The following TMEM25 variants were observed in gnomAD, a reference collection of about 807,000 sequenced individuals.
The protein encoded by TMEM25 is transmembrane protein 25, also known as 0610039J01Rik.
Under a neutral mutation model 37.0 loss-of-function variants are expected in TMEM25, and 36 were observed. The observed-to-expected ratio is 0.97, with a 90% confidence interval of 0.75 to 1.28. The LOEUF is 1.28. TMEM25 is among the 50% of genes most tolerant of loss of function. TMEM25 has a pLI of 0.00. For missense variants in TMEM25, 444 were observed against 477.9 expected, an observed-to-expected ratio of 0.93 and a Z score of 0.66; for synonymous variants, 197 against 203.7, an observed-to-expected ratio of 0.97 and a Z score of 0.28.
intron 8 of TMEM25, chr11:118,545,881 CA>C: frequency 6.2e-7 from 1 of 1,607,914 alleles, no homozygotes; most frequent in Non-Finnish European, 8.5e-7. Flanking sequence ...GGACCAAAGT[CA>C]AAAGGATGGT....
chr11:118,531,649 A>T (rs1040470886), intron 1 of TMEM25, 126 bp from the exon 2 acceptor site: 33 of 755,592 alleles, frequency 4.4e-5, no homozygotes, highest in Non-Finnish European at 6.3e-5. Context: ...TGCCTTCGCC[A>T]CTGGGGGCTG....
Position 118,534,484 on chromosome 11 carries a change from C to G in TMEM25, c.1028-23C>G, listed in dbSNP as rs782573665. On this transcript the variant is annotated intron_variant, in intron 8 of 8. Transcript: ENST00000313236. The surrounding 1 kb of genome is among the most constrained non-coding windows in gnomAD (Gnocchi z 4.6). ...CAAGGAACAAGCGTTACTGAGTCCC[C>G]GCGGGCTTCTTTGATCCCGCAGGTT... 6.2e-7 allele frequency: 1 copy of G among 1,613,938 alleles called. No individual in the cohort carries two copies. The highest frequency in any genetic ancestry group is 1.3e-5 in the African/African-American group (1 of 75,046).
chr11:118,546,149 A>G, exon 9 of TMEM25: 1 of 718,596 alleles, frequency 1.4e-6, no homozygotes, highest in Non-Finnish European at 2.6e-6. Context: ...GACGCATAAC[A>G]GAGGGAAGAC....
At chr11:118,533,827 G>A (rs370883247) in intron 5 of TMEM25, 30 bp from the exon 6 acceptor site, 3 of 1,613,800 alleles carry the variant, frequency 1.9e-6, no homozygotes, top group African/African-American at 1.3e-5. Flanking sequence ...GGCACACTGA[G>A]AATTAGGGAC....
At chr11:118,543,869 C>T (rs552354084) in intron 8 of TMEM25, among the ~76,000 whole-genome samples, 3 of 151,258 alleles carry the variant, frequency 2.0e-5, no homozygotes, top group African/African-American at 7.3e-5. Flanking sequence ...TGCAGTGCCA[C>T]GATCTTAGCT....
intron 1 of TMEM25, 92 bp downstream of exon 1, chr11:118,531,326 A>C (rs1555057974): frequency 3.0e-6 from 1 of 333,116 alleles, no homozygotes; most frequent in African/African-American, 2.2e-5. Flanking sequence ...CACCGGAGCC[A>C]CCAACATCAG....
chr11:118,545,904 C>T, intron 8 of TMEM25: 2 of 1,474,002 alleles, frequency 1.4e-6, no homozygotes, highest in Non-Finnish European at 1.9e-6. Context: ...TCAGTGGTCC[C>T]AGAACCACTC....
At chr11:118,542,902 G>A (rs1343911110) in intron 8 of TMEM25, among the ~76,000 whole-genome samples, 1 of 151,362 alleles carries the variant, frequency 6.6e-6, no homozygotes, top group Non-Finnish European at 1.5e-5. Context: ...GACAGAGCGA[G>A]ACTCTGTCTC....
downstream of TMEM25, among the ~76,000 whole-genome samples, chr11:118,536,661 A>C (rs944544356): frequency 1.3e-5 from 2 of 152,120 alleles, no homozygotes; most frequent in African/African-American, 4.8e-5. Flanking sequence ...TTTCTATTTC[A>C]GGGGCTCTTG....
downstream of TMEM25, among the ~76,000 whole-genome samples, chr11:118,539,263 G>C (rs1193253392): frequency 1.3e-5 from 2 of 150,810 alleles, no homozygotes; most frequent in Non-Finnish European, 3.0e-5. Flanking sequence ...CACTTCCCGG[G>C]TTCAAGCGAT....
intron 2 of TMEM25, 91 bp from the exon 3 acceptor site, chr11:118,532,059 C>G (rs1951303218): frequency 7.0e-7 from 1 of 1,425,338 alleles, no homozygotes; most frequent in South Asian, 1.4e-5. Context: ...TTTCCTTTGG[C>G]CTGCTGCTCT....
Position 118,534,408 on chromosome 11 carries a change from T to A in TMEM25, c.1027+53T>A. The A allele has an allele frequency of 1.2e-6, 2 of 1,610,938 alleles. No individual in the cohort carries two copies. The highest frequency in any genetic ancestry group is 1.7e-6 in the Non-Finnish European group (2 of 1,178,534). ...CTCCTCTGCCCCCCAGCCCTGTGCT[T>A]ATGCCAGAGGCCTCCAAGTGCCCAG... is the stretch of plus-strand genomic sequence containing the variant. On this transcript the variant is annotated intron_variant, in intron 8 of 8. Coordinates refer to ENST00000313236, the MANE Select transcript of TMEM25 (RefSeq NM_032780.4). This position sits in a 1 kb window ranked among gnomAD's most constrained non-coding sequence, Gnocchi z 4.6.
chr11:118,537,974 C>T (rs570546958), downstream of TMEM25, among the ~76,000 whole-genome samples: 8 of 151,966 alleles, frequency 5.3e-5, no homozygotes, highest in African/African-American at 1.9e-4. Context: ...TCACTTCAGC[C>T]CAGGAGGCAG....
At position 118,532,150 on chromosome 11, in the gene TMEM25, G is replaced by A; in HGVS notation, c.71G>A (p.Gly24Asp). The A allele has an allele frequency of 6.4e-7, 1 of 1,559,002 alleles. No individual in the cohort carries two copies. The change falls in exon 3 of 9, where the codon GGT becomes GAT. Residue 24 changes from glycine to aspartate, a missense_variant and splice_region_variant. Transcript: ENST00000313236. ...LLLLPALLSSGWGELEPQIDG... is the reference protein window; with the variant it reads ...LLLLPALLSSDWGELEPQIDG... ...CCAGAGGCCTCCTGCTGTGTTCCAGGTTGGGGGGAGTTGGAGCCACAAATA... is the reference window on the plus strand; with the variant it reads ...CCAGAGGCCTCCTGCTGTGTTCCAGATTGGGGGGAGTTGGAGCCACAAATA...
downstream of TMEM25, among the ~76,000 whole-genome samples, chr11:118,536,346 A>T (rs1951510274): frequency 6.6e-6 from 1 of 151,834 alleles, no homozygotes; most frequent in East Asian, 1.9e-4. Context: ...GGCATGCACC[A>T]CCATGCCCAG....
At chr11:118,538,174 ATTTG>A (rs1331199207), downstream of TMEM25, among the ~76,000 whole-genome samples, 40 of 151,800 alleles carry the variant, frequency 2.6e-4, no homozygotes, top group African/African-American at 8.7e-4. Context: ...AATTATTATT[ATTTG>A]TTTATTTTTT....
chr11:118,533,865 CG>C lies in TMEM25; in HGVS notation c.816del (p.His273ThrfsTer4), dbSNP rs1297957653. ...RKEKKTKGPS[R>X]HPSLISSDSN... ...GGTTTCTTTCTCCACAGGCCCCTCC[CG>C]GCACCCATCTCTGATATCAAGGTAA... On this transcript the variant is annotated frameshift_variant, in exon 6 of 9. Coordinates refer to ENST00000313236, the MANE Select transcript of TMEM25 (RefSeq NM_032780.4). LOFTEE classifies it high-confidence loss of function. 2.5e-6 allele frequency: 4 copies of C among 1,613,922 alleles called. No individual in the cohort carries two copies. The highest frequency in any genetic ancestry group is 3.4e-6 in the Non-Finnish European group (4 of 1,180,010).
intron 5 of TMEM25, 129 bp downstream of exon 5, chr11:118,533,680 A>G: frequency 6.4e-7 from 1 of 1,574,682 alleles, no homozygotes; most frequent in Non-Finnish European, 8.7e-7. Context: ...GGCCATGGGT[A>G]CGGTGACATG....
intron 3 of TMEM25, 41 bp from the exon 4 acceptor site, chr11:118,532,876 G>C: frequency 6.3e-7 from 1 of 1,578,170 alleles, no homozygotes; most frequent in South Asian, 1.2e-5. Flanking sequence ...AGAAGTATGA[G>C]GGGCTGTGGT....
Sources: gnomAD v4.1 joint callset for allele counts (sites outside exome capture counted in the v4.1 genomes callset) on GRCh38, gnomAD v4.1.1 for gene constraint, Gnocchi (gnomAD v3.1) non-coding constraint, MANE v1.5 for transcripts, NCBI Gene and HGNC (gene_info 2026-07-23, HGNC 2026-07-21) for gene names.